The following EPB41L3 variants were observed in gnomAD, a reference collection of about 807,000 sequenced individuals.
EPB41L3 encodes erythrocyte membrane protein band 4.1 like 3, also known as band 4.1-like protein 3.
Under a neutral mutation model 127.1 loss-of-function variants are expected in EPB41L3, and 57 were observed. The ratio of observed to expected loss-of-function variants is 0.45; its 90% CI spans 0.36 to 0.56. The LOEUF is 0.56. EPB41L3 is among the 20% of genes least tolerant of loss of function. EPB41L3 has a pLI of 0.00. For synonymous variants in EPB41L3, 572 were observed against 549.5 expected (o/e 1.04, Z -0.57); for missense variants, 1,273 against 1,372.2 (o/e 0.93, Z 1.14).
chr18:5,524,221 T>C (rs2093129695), intron 1 of EPB41L3, among the ~76,000 whole-genome samples: 1 of 151,910 alleles, frequency 6.6e-6, no homozygotes, highest in Admixed American at 6.6e-5. Flanking sequence ...TGAGATGGAG[T>C]TTCACTCTGT....
rs373921761 is a variant in EPB41L3 at position 5,542,856 on chromosome 18, G to T, written c.-12+1057C>A. 2.3e-4 allele frequency among the ~76,000 whole-genome samples: 35 copies of T among 152,270 alleles called. No individual in the cohort carries two copies. The South Asian group carries it at 6.0e-3, about 26-fold the overall frequency. On this transcript the variant is annotated intron_variant, in intron 1 of 22. Coordinates refer to ENST00000341928, the MANE Select transcript of EPB41L3 (RefSeq NM_012307.5). ...CAGAAGCCATGAACTTGGCGGGCGT[G>T]GGGGGGAAGGGGAAGAAGTCCGGCG...
At chr18:5,591,985 T>C (rs770121861) in intron 3 of EPB41L3, among the ~76,000 whole-genome samples, 3 of 152,104 alleles carry the variant, frequency 2.0e-5, no homozygotes, top group Non-Finnish European at 2.9e-5. Flanking sequence ...AAGCTAAGCA[T>C]GGTTTGGACT....
chr18:5,490,932 A>T (rs2090518440), intron 1 of EPB41L3, among the ~76,000 whole-genome samples: 1 of 152,220 alleles, frequency 6.6e-6, no homozygotes, highest in African/African-American at 2.4e-5. Flanking sequence ...ACAGAGATTC[A>T]TCTGTTGTAA....
chr18:5,525,826 AAAC>A (rs2148870429), intron 1 of EPB41L3, among the ~76,000 whole-genome samples: 1 of 152,284 alleles, frequency 6.6e-6, no homozygotes, highest in African/African-American at 2.4e-5. Context: ...TCCACCATTC[AAAC>A]AACTTGTTTT....
At position 5,509,188 on chromosome 18, in the gene EPB41L3, A is replaced by C. The variant is rs143079285; in HGVS notation, c.-11-19994T>G. 5.1e-3 allele frequency among the ~76,000 whole-genome samples: 779 copies of C among 152,350 alleles called. 4 individuals carry two copies. The highest frequency in any genetic ancestry group is 8.4e-3 in the Non-Finnish European group (574 of 68,042). On this transcript the variant is annotated intron_variant, in intron 1 of 22. Coordinates refer to ENST00000341928, the MANE Select transcript of EPB41L3 (RefSeq NM_012307.5). ...TCCTTTCAGGATTTCTGAGAAGAGA[A>C]AATAAACCAAAGAACACAAGGTGGC...
At chr18:5,525,144 C>G (rs2093170916) in intron 1 of EPB41L3, among the ~76,000 whole-genome samples, 1 of 152,118 alleles carries the variant, frequency 6.6e-6, no homozygotes, top group South Asian at 2.1e-4. Flanking sequence ...TCCCCTCTAC[C>G]CTGATCCCTG....
At chr18:5,539,976 T>C (rs1232162485) in intron 1 of EPB41L3, among the ~76,000 whole-genome samples, 6 of 152,196 alleles carry the variant, frequency 3.9e-5, no homozygotes, top group African/African-American at 1.4e-4. Context: ...CACTTAAAAA[T>C]AAATGAGAAC....
rs1367766622 is a variant in EPB41L3 at position 5,561,032 on chromosome 18, C to G, written c.-306+51308G>C. Among the ~76,000 whole-genome samples, 7 of 139,024 alleles carry G rather than the reference C, an allele frequency of 5.0e-5. 1 individual carries two copies. The highest frequency in any genetic ancestry group is 7.2e-5 in the Admixed American group (1 of 13,876). 91.2% of individuals were successfully genotyped at this position (139,024 alleles called of 152,430 possible). The stretch of plus-strand genomic sequence containing the variant: ...TCGCTCTGTCGCCCAGGCTGGAGTG[C>G]AGTGGCGCGATCGCGGCTCACTGCA... On this transcript the variant is annotated intron_variant, in intron 3 of 21. Coordinates refer to the EPB41L3 transcript ENST00000545076.
intron 10 of EPB41L3, 62 bp downstream of exon 10, chr18:5,424,200 C>A: frequency 2.6e-6 from 3 of 1,140,034 alleles, no homozygotes; most frequent in Non-Finnish European, 3.6e-6. Flanking sequence ...TATTGACAAT[C>A]TTTTTCAGTA....
At chr18:5,617,876 A>G (rs1405039906) in intron 1 of EPB41L3, among the ~76,000 whole-genome samples, 1 of 152,208 alleles carries the variant, frequency 6.6e-6, no homozygotes, top group African/African-American at 2.4e-5. Flanking sequence ...GCACTAGAAG[A>G]CAGATGAGGG....
intron 3 of EPB41L3, among the ~76,000 whole-genome samples, chr18:5,579,438 T>C (rs1254204150): frequency 2.0e-5 from 3 of 152,206 alleles, no homozygotes; most frequent in Non-Finnish European, 4.4e-5. Flanking sequence ...ATACATATCA[T>C]TAACCAAAGA....
intron 2 of EPB41L3, among the ~76,000 whole-genome samples, chr18:5,481,216 C>A (rs1377908991): frequency 6.6e-6 from 1 of 152,152 alleles, no homozygotes; most frequent in Non-Finnish European, 1.5e-5. Flanking sequence ...AGTGGTGGCA[C>A]AGAAGCAAGC....
intron 1 of EPB41L3, among the ~76,000 whole-genome samples, chr18:5,517,978 G>A (rs1402946521): frequency 7.2e-5 from 11 of 152,142 alleles, no homozygotes; most frequent in East Asian, 1.9e-4. Context: ...CTTAACTGGC[G>A]TCCTGGCTCT....
intron 6 of EPB41L3, 133 bp from the exon 7 acceptor site, chr18:5,434,254 T>A: frequency 3.0e-6 from 2 of 661,808 alleles, no homozygotes; most frequent in Non-Finnish European, 5.2e-6. Context: ...TTCTAGCGTC[T>A]ATATATTTTG....
intron 3 of EPB41L3, among the ~76,000 whole-genome samples, chr18:5,460,296 T>C (rs553976740): frequency 1.6e-4 from 25 of 152,270 alleles, no homozygotes; most frequent in Middle Eastern, 3.4e-3. Context: ...CAGGGTGATG[T>C]CTGGGAAACA....
rs2072592205 is a variant in EPB41L3 at position 5,392,564 on chromosome 18, A to G, written c.*921T>C. The G allele has an allele frequency of 6.6e-6, 1 of 152,634 alleles. No homozygotes were observed. Among genetic ancestry groups the G allele is most frequent in the African/African-American group, 2.4e-5 (1 of 41,454 alleles). 9.5% of individuals were successfully genotyped at this position (152,634 alleles called of 1,614,324 possible). ...GTTTAAGGCTTGGCTCTGAACTAGA[A>G]TGTAAATATGGACCAGATTTGAAAA... On this transcript the variant is annotated 3_prime_UTR_variant, in exon 23 of 23. Coordinates refer to ENST00000341928, the MANE Select transcript of EPB41L3 (RefSeq NM_012307.5).
chr18:5,489,015 G>C lies in EPB41L3; in HGVS notation c.169C>G (p.Pro57Ala), dbSNP rs1321456215. 6 of 1,584,812 alleles carry C rather than the reference G, an allele frequency of 3.8e-6. No individual in the cohort carries two copies. Among genetic ancestry groups the C allele is most frequent in the Non-Finnish European group, 4.3e-6 (5 of 1,174,020 alleles). The change falls in exon 2 of 23, where the codon CCG (proline) becomes GCG (alanine). Residue 57 changes from proline to alanine, a missense_variant. By Grantham distance (27) the Pro-to-Ala change is conservative. Coordinates refer to ENST00000341928, the MANE Select transcript of EPB41L3 (RefSeq NM_012307.5). ...QFAAAAAHST[P>A]VRREVTDKEQ... Reference sequence around the variant, plus strand: ...CCTGGGCTCACCTCCCTCCGCACCGGGGTGCTGTGCGCTGCAGCGGCGGCG... The same window carrying C: ...CCTGGGCTCACCTCCCTCCGCACCGCGGTGCTGTGCGCTGCAGCGGCGGCG...
intron 3 of EPB41L3, among the ~76,000 whole-genome samples, chr18:5,568,502 C>T (rs766351134): frequency 6.6e-6 from 1 of 150,510 alleles, no homozygotes; most frequent in Non-Finnish European, 1.5e-5. Flanking sequence ...TTTTGAAACA[C>T]TAAATGTGAA....
chr18:5,604,171 T>G (rs12605083), intron 3 of EPB41L3, among the ~76,000 whole-genome samples: 14,721 of 151,980 alleles, frequency 0.097, 745 homozygotes, highest in South Asian at 0.14. Flanking sequence ...GAATCATTCT[T>G]TCATTCTGCT....
Sources: gnomAD v4.1 joint callset for allele counts (sites outside exome capture counted in the v4.1 genomes callset) on GRCh38, gnomAD v4.1.1 for gene constraint, MANE v1.5 for transcripts, NCBI Gene and HGNC (gene_info 2026-07-23, HGNC 2026-07-21) for gene names.